RARB: variants seen among roughly 807,000 people sequenced by gnomAD.
RARB encodes the protein HBV-activated protein.
RARB carries 17 observed loss-of-function variants against 51.9 expected under a neutral mutation model. That is an observed-to-expected ratio of 0.33 (90% CI 0.22 to 0.49). The LOEUF is 0.49. Ranked by LOEUF, RARB falls within the 20% of genes least tolerant of loss-of-function variation. RARB has a pLI of 0.99. For missense variants in RARB, 369 were observed against 550.8 expected (o/e 0.67, Z 3.30); for synonymous variants, 215 against 195.4 (o/e 1.10, Z -0.84).
chr3:24,948,365 C>A lies in RARB; in HGVS notation c.-380+89613C>A, dbSNP rs141610448. Among the ~76,000 whole-genome samples the A allele has an allele frequency of 7.3e-4, 111 of 152,290 alleles. No individual in the cohort carries two copies. The Middle Eastern group carries it at 0.01, about 14-fold the overall frequency. The stretch of plus-strand genomic sequence containing the variant: ...GAACCTCCATTTCCTAGCTAGGTAA[C>A]ATTGTTTTCTTTTCACCTGCAAGAG... On this transcript the variant is annotated intron_variant, in intron 2 of 11. Transcript: ENST00000383772.
intron 5 of RARB, among the ~76,000 whole-genome samples, chr3:25,390,617 T>C (rs57185311): frequency 0.14 from 21,943 of 152,228 alleles, 2,119 homozygotes; most frequent in Admixed American, 0.29. Context: ...TTTTTAAATA[T>C]GTAGTGGAAA....
chr3:24,909,398 A>AAGATGTGCATCTTGGT (rs1421670402), intron 2 of RARB, among the ~76,000 whole-genome samples: 2 of 152,200 alleles, frequency 1.3e-5, no homozygotes, highest in African/African-American at 4.8e-5. Context: ...GGTGCTCTCC[A>AAGATGTGCATCTTGGT]GCACATTAAT....
At chr3:25,062,790 A>C (rs1264317357) in intron 3 of RARB, among the ~76,000 whole-genome samples, 1 of 151,928 alleles carries the variant, frequency 6.6e-6, no homozygotes, top group African/African-American at 2.4e-5. Flanking sequence ...AGTTACTGCT[A>C]ATTAGGTATA....
intron 2 of RARB, among the ~76,000 whole-genome samples, chr3:24,990,838 A>T (rs545512454): frequency 6.6e-6 from 1 of 152,314 alleles, no homozygotes; most frequent in East Asian, 1.9e-4. Flanking sequence ...TTTGGTTTGG[A>T]ACTGCATTGA....
chr3:25,242,057 G>A (rs1358800604), intron 5 of RARB, among the ~76,000 whole-genome samples: 3 of 152,280 alleles, frequency 2.0e-5, no homozygotes, highest in South Asian at 4.1e-4. Flanking sequence ...TTTCTCTAAT[G>A]ACCAGTGGAT....
intron 2 of RARB, among the ~76,000 whole-genome samples, chr3:24,879,655 C>G (rs1025602729): frequency 4.6e-5 from 7 of 151,828 alleles, no homozygotes; most frequent in Admixed American, 1.3e-4. Context: ...AGAACCTGAT[C>G]TTTTAAACAA....
intron 5 of RARB, among the ~76,000 whole-genome samples, chr3:25,390,140 T>C (rs1445072090): frequency 6.6e-6 from 1 of 152,142 alleles, no homozygotes; most frequent in Admixed American, 6.6e-5. Context: ...GTGGGACTTT[T>C]AGGAGGTGTT....
intron 3 of RARB, among the ~76,000 whole-genome samples, chr3:25,560,315 C>T (rs149433693): frequency 2.9e-4 from 44 of 152,206 alleles, no homozygotes; most frequent in African/African-American, 9.2e-4. Flanking sequence ...ACATGTAGAC[C>T]ATTTCTCTAA....
Position 25,118,479 on chromosome 3 carries a change from A to G in RARB, c.-327-13682A>G, listed in dbSNP as rs1196081886. ...GTAATTTATGCCAAAAGGAAAGACC[A>G]CTTTGTCTGAGCAAAGATATAGCTT... On this transcript the variant is annotated intron_variant, in intron 3 of 11. Transcript: ENST00000383772. Among the ~76,000 whole-genome samples the G allele has an allele frequency of 6.6e-5, 10 of 152,282 alleles. No homozygotes were observed. In the East Asian group the frequency reaches 1.9e-3, roughly 29 times the overall value.
chr3:25,044,145 A>C (rs536830290), intron 2 of RARB, among the ~76,000 whole-genome samples: 1 of 152,180 alleles, frequency 6.6e-6, no homozygotes, highest in African/African-American at 2.4e-5. Flanking sequence ...CTTTTAGTCA[A>C]TTCTTAATAG....
intron 5 of RARB, among the ~76,000 whole-genome samples, chr3:25,329,053 A>T (rs1704811913): frequency 2.0e-5 from 3 of 152,230 alleles, no homozygotes; most frequent in African/African-American, 7.2e-5. Context: ...AACCCACTGC[A>T]GCTCAAGGAG....
At chr3:25,120,457 C>G (rs1053712502) in intron 3 of RARB, among the ~76,000 whole-genome samples, 6 of 149,494 alleles carry the variant, frequency 4.0e-5, no homozygotes, top group African/African-American at 1.2e-4. Context: ...TAAACTTTAA[C>G]CAGTTAAATG....
At chr3:25,107,239 C>T (rs973051085) in intron 3 of RARB, among the ~76,000 whole-genome samples, 1 of 152,104 alleles carries the variant, frequency 6.6e-6, no homozygotes, top group Admixed American at 6.6e-5. Flanking sequence ...TATCAGATGC[C>T]AGTACTTCTA....
At chr3:25,284,834 A>G (rs1196572765) in intron 5 of RARB, among the ~76,000 whole-genome samples, 2 of 152,346 alleles carry the variant, frequency 1.3e-5, no homozygotes, top group South Asian at 2.1e-4. Flanking sequence ...CTAGGTACAC[A>G]GAAGGCTAAC....
rs149033448 is a variant in RARB, at chr3:25,121,697, A to G, written c.-327-10464A>G. Among the ~76,000 whole-genome samples, 861 of 152,308 alleles carry G rather than the reference A, an allele frequency of 5.7e-3. 8 individuals are homozygous for G. Among genetic ancestry groups the G allele is most frequent in the African/African-American group, 0.019 (800 of 41,552 alleles). ...TATTTTGATATCCAGTAACTTGTAC[A>G]TAGGAGGTGTTTAGTAAATACTTGC... On this transcript the variant is annotated intron_variant, in intron 3 of 11. Transcript: ENST00000383772.
At chr3:24,885,925 G>A (rs1330421168) in intron 2 of RARB, among the ~76,000 whole-genome samples, 1 of 152,138 alleles carries the variant, frequency 6.6e-6, no homozygotes, top group Non-Finnish European at 1.5e-5. Flanking sequence ...CTATATTTCT[G>A]TTATATGCCA....
chr3:25,542,974 A>G (rs1699447358), intron 3 of RARB, among the ~76,000 whole-genome samples: 1 of 152,180 alleles, frequency 6.6e-6, no homozygotes, highest in African/African-American at 2.4e-5. Flanking sequence ...AGCACTCACA[A>G]ATTCAAGATT....
At chr3:25,168,343 G>T (rs533924677) in intron 4 of RARB, among the ~76,000 whole-genome samples, 1 of 152,172 alleles carries the variant, frequency 6.6e-6, no homozygotes, top group African/African-American at 2.4e-5. Flanking sequence ...TCCTGCCTCA[G>T]CCTCCCAAGT....
At chr3:25,292,789 G>A (rs969896944) in intron 5 of RARB, among the ~76,000 whole-genome samples, 14 of 152,106 alleles carry the variant, frequency 9.2e-5, no homozygotes, top group African/African-American at 3.4e-4. Flanking sequence ...ATGTTTAAAC[G>A]TGCCCTTGAT....
Sources: allele counts gnomAD v4.1 joint callset (sites outside exome capture counted in the v4.1 genomes callset), GRCh38; gene constraint gnomAD v4.1.1; transcripts MANE v1.5; gene names NCBI Gene and HGNC (gene_info 2026-07-23, HGNC 2026-07-21).